ZDHHC7: variants seen among roughly 807,000 people sequenced by gnomAD.
The protein encoded by ZDHHC7 is zDHHC palmitoyltransferase 7, also known as palmitoyltransferase ZDHHC7.
A neutral mutation model predicts 34.1 loss-of-function variants in ZDHHC7; 12 were observed. The observed-to-expected ratio is 0.35, with a 90% CI of 0.23 to 0.57. The LOEUF is 0.57. Ranked by LOEUF, ZDHHC7 falls within the 20% of genes least tolerant of loss-of-function variation. The probability of loss-of-function intolerance (pLI) is 0.84; values close to 1 mark genes in which losing one functional copy is unlikely to be tolerated. For missense variants in ZDHHC7, 388 were observed against 402.7 expected (o/e 0.96, Z 0.31); for synonymous variants, 185 against 155.4 (o/e 1.19, Z -1.42).
chr16:84,988,865 G>A, intron 3 of ZDHHC7: 3 of 1,551,660 alleles, frequency 1.9e-6, no homozygotes, highest in Non-Finnish European at 1.7e-6. Context: ...GGCAGTCACT[G>A]GATTTTTCCT....
intron 3 of ZDHHC7, among the ~76,000 whole-genome samples, chr16:84,989,447 G>A (rs2072479286): frequency 6.6e-6 from 1 of 152,194 alleles, no homozygotes; most frequent in Non-Finnish European, 1.5e-5. Flanking sequence ...TGTAATCTCA[G>A]CACTTTGGGA....
At chr16:85,021,111 A>T in the ZDHHC7 span, among the ~76,000 whole-genome samples, 1 of 151,348 alleles carries the variant, frequency 6.6e-6, no homozygotes, top group Non-Finnish European at 1.5e-5. Flanking sequence ...TCTTAAAAAA[A>T]AATTAAAAAT....
chr16:85,009,459 AATCT>A, intron 1 of ZDHHC7, among the ~76,000 whole-genome samples: 1 of 152,140 alleles, frequency 6.6e-6, no homozygotes, highest in Non-Finnish European at 1.5e-5. Context: ...TCAATTCATT[AATCT>A]GTCAACTGAG....
chr16:84,976,039 A>C lies in ZDHHC7; in HGVS notation c.*304T>G, dbSNP rs544587257. The C allele has an allele frequency of 2.9e-6, 1 of 348,354 alleles. No homozygotes were observed. The highest frequency in any genetic ancestry group is 2.2e-5 in the African/African-American group (1 of 45,152). 21.6% of individuals were successfully genotyped at this position (348,354 alleles called of 1,614,324 possible). A position where few individuals can be genotyped will look rare whatever the true frequency, so the allele number is the denominator to read the frequency against. On this transcript the variant is annotated 3_prime_UTR_variant, in exon 8 of 8. Transcript: ENST00000313732. ...GATTGGAAACAGCAGCTCAGGACCC[A>C]GGATTTGAATAACCCATGTAATAAC...
At chr16:84,981,417 G>A (rs2072366066) in intron 4 of ZDHHC7, among the ~76,000 whole-genome samples, 1 of 152,246 alleles carries the variant, frequency 6.6e-6, no homozygotes, top group South Asian at 2.1e-4. Context: ...CCCCAGGTAA[G>A]AACAAAAGTG....
intron 1 of ZDHHC7, among the ~76,000 whole-genome samples, chr16:85,001,063 A>G (rs1337395071): frequency 6.6e-6 from 1 of 152,190 alleles, no homozygotes; most frequent in Non-Finnish European, 1.5e-5. Context: ...CCAGAAGGAC[A>G]AGCCTGAGGT....
At chr16:85,014,280 T>G (rs552156972), upstream of ZDHHC7, among the ~76,000 whole-genome samples, 2 of 152,326 alleles carry the variant, frequency 1.3e-5, no homozygotes, top group African/African-American at 4.8e-5. Context: ...GTATGGAGTG[T>G]AGAAGTTTGG....
intron 1 of ZDHHC7, 89 bp from the exon 2 acceptor site, chr16:84,996,096 G>A (rs1307906423): frequency 6.6e-6 from 1 of 152,138 alleles, no homozygotes; most frequent in African/African-American, 2.4e-5. Context: ...AATTTTTGGA[G>A]CGTAACATTT....
chr16:84,987,136 C>T (rs2072447120), intron 3 of ZDHHC7, among the ~76,000 whole-genome samples: 1 of 152,240 alleles, frequency 6.6e-6, no homozygotes, highest in Non-Finnish European at 1.5e-5. Flanking sequence ...CACTCCACAG[C>T]CTGCCAGCAG....
chr16:84,981,779 C>A (rs2072371900), intron 4 of ZDHHC7, 91 bp downstream of exon 4: 4 of 1,601,024 alleles, frequency 2.5e-6, no homozygotes, highest in Non-Finnish European at 2.6e-6. Flanking sequence ...GGGCCATGTA[C>A]CTACGGTGGT....
intron 3 of ZDHHC7, among the ~76,000 whole-genome samples, chr16:84,983,861 G>T (rs146346978): frequency 1.3e-5 from 2 of 151,326 alleles, no homozygotes; most frequent in South Asian, 2.1e-4. Flanking sequence ...TTAGCTGGGC[G>T]TGGTGGCCTG....
chr16:84,980,379 T>C (rs1056413224), intron 4 of ZDHHC7, among the ~76,000 whole-genome samples: 3 of 152,060 alleles, frequency 2.0e-5, no homozygotes, highest in Non-Finnish European at 4.4e-5. Context: ...GTATAATTTA[T>C]ATACCATAGG....
chr16:85,019,245 C>T, the ZDHHC7 span, among the ~76,000 whole-genome samples: 1 of 152,220 alleles, frequency 6.6e-6, no homozygotes, highest in Non-Finnish European at 1.5e-5. Flanking sequence ...CACGTCTCAC[C>T]TGTATCCTTC....
chr16:84,976,107 C>G lies in ZDHHC7; in HGVS notation c.*236G>C. The G allele has an allele frequency of 1.8e-6, 1 of 545,600 alleles. No homozygotes were observed. The highest frequency in any genetic ancestry group is 3.2e-6 in the Non-Finnish European group (1 of 315,034). The allele number at this position is 545,600 out of a possible 1,614,324, so 33.8% of individuals were successfully genotyped here. A position where few individuals can be genotyped will look rare whatever the true frequency, so the allele number is the denominator to read the frequency against. ...GAAGCCCCAGCTCTGCAGGAGGCCA[C>G]GGCGTTTGGCTTCTTCGTGTGGCCA... On this transcript the variant is annotated 3_prime_UTR_variant, in exon 8 of 8. Coordinates refer to ENST00000313732, the MANE Select transcript of ZDHHC7 (RefSeq NM_017740.3).
At chr16:85,001,847 T>C (rs760714872) in intron 1 of ZDHHC7, among the ~76,000 whole-genome samples, 34 of 152,228 alleles carry the variant, frequency 2.2e-4, no homozygotes, top group African/African-American at 7.9e-4. Flanking sequence ...GCTGGGATTA[T>C]AGGTGTGAGC....
chr16:84,978,505 G>C (rs890757267), intron 5 of ZDHHC7, among the ~76,000 whole-genome samples: 1 of 152,116 alleles, frequency 6.6e-6, no homozygotes, highest in Non-Finnish European at 1.5e-5. Flanking sequence ...AGGCCAAGAC[G>C]GGCAGATGGC....
chr16:85,004,691 G>A lies in ZDHHC7; in HGVS notation c.-104+6595C>T, dbSNP rs560247778. 1.1e-4 allele frequency among the ~76,000 whole-genome samples: 16 copies of A among 152,166 alleles called. No individual in the cohort carries two copies. In the South Asian group the frequency reaches 3.1e-3, roughly 30 times the overall value. On this transcript the variant is annotated intron_variant, in intron 1 of 7. Coordinates refer to ENST00000313732, the MANE Select transcript of ZDHHC7 (RefSeq NM_017740.3). ...TCCCCAGCACTCCCGGGTTCACCAC[G>A]CACTCCACAAACATTTCTTGAGTGA...
intron 3 of ZDHHC7, among the ~76,000 whole-genome samples, chr16:84,984,846 G>A (rs1243379206): frequency 6.6e-6 from 1 of 152,088 alleles, no homozygotes; most frequent in Non-Finnish European, 1.5e-5. Flanking sequence ...ATGTGGTTTG[G>A]CAGAAACAGA....
chr16:85,016,378 G>C (rs528062408), upstream of ZDHHC7, among the ~76,000 whole-genome samples: 39 of 152,068 alleles, frequency 2.6e-4, no homozygotes, highest in South Asian at 7.7e-3. Flanking sequence ...TGCATTGCCT[G>C]TGCTTTTAGT....
Sources: gnomAD v4.1 joint callset for allele counts (sites outside exome capture counted in the v4.1 genomes callset) on GRCh38, gnomAD v4.1.1 for gene constraint, MANE v1.5 for transcripts, NCBI Gene and HGNC (gene_info 2026-07-23, HGNC 2026-07-21) for gene names.